Variants in PGAP4 observed in about 807,000 individuals in gnomAD.
PGAP4 encodes post-GPI attachment to proteins GalNAc transferase 4.
A neutral mutation model predicts 28.2 loss-of-function variants in PGAP4; 12 were observed. That is an observed-to-expected ratio of 0.42 (90% CI 0.27 to 0.69). The LOEUF (loss-of-function observed/expected upper bound fraction) is 0.69, where lower values mean the gene tolerates loss of function less well. Among genes scored for constraint, PGAP4 ranks in the 30% least tolerant of loss-of-function variants. The pLI is 0.22. For missense variants in PGAP4, 425 were observed against 513.5 expected (o/e 0.83, Z 1.67); for synonymous variants, 205 against 211.8 (o/e 0.97, Z 0.28).
At chr9:101,531,237 C>CACACAG (rs963708949) in intron 2 of PGAP4, 4 of 150,342 alleles carry the variant, frequency 2.7e-5, no homozygotes, top group African/African-American at 1.0e-4. Flanking sequence ...CACACACACA[C>CACACAG]ACAGAGTTGA....
In PGAP4 at chr9:101,474,881, G is replaced by C. The variant is rs2118475987; in HGVS notation, c.*1000C>G. 6.6e-6 allele frequency: 1 copy of C among 152,030 alleles called. No individual in the cohort carries two copies. Among genetic ancestry groups the C allele is most frequent in the African/African-American group, 2.4e-5 (1 of 41,486 alleles). The allele number at this position is 152,030 out of a possible 1,614,324, so 9.4% of individuals were successfully genotyped here. ...TTACTGTCCTCATTTTACAGGTGAA[G>C]AAATTGAGACCCAGAGTGATTATAT... On this transcript the variant is annotated 3_prime_UTR_variant, in exon 2 of 2. Transcript: ENST00000374848.
chr9:101,527,869 T>C (rs968240352), intron 2 of PGAP4, among the ~76,000 whole-genome samples: 1 of 152,200 alleles, frequency 6.6e-6, no homozygotes. Flanking sequence ...CAGCATGACA[T>C]GGATTCTTTA....
rs1468651082 is a variant in PGAP4 at position 101,477,228 on chromosome 9, A to AAACAAACG, written c.-77-60_-77-59insCGTTTGTT. ...AACTTAAAAAAACAAACAAACAAACAAACAAAAAAACAAAAGGACAAGAAC... is the reference window on the plus strand; with the variant it reads ...AACTTAAAAAAACAAACAAACAAACAAACAAACGAACAAAAAAACAAAAGGACAAGAAC... On this transcript the variant is annotated intron_variant, in intron 1 of 1. Coordinates refer to ENST00000374848, the MANE Select transcript of PGAP4 (RefSeq NM_032342.3). 358 of 1,306,592 alleles carry AAACAAACG rather than the reference A, an allele frequency of 2.7e-4. 2 individuals carry two copies. Among genetic ancestry groups the AAACAAACG allele is most frequent in the Non-Finnish European group, 3.3e-4 (328 of 991,172 alleles). The allele number at this position is 1,306,592 out of a possible 1,614,324, so 80.9% of individuals were successfully genotyped here. A position where few individuals can be genotyped will look rare whatever the true frequency, so the allele number is the denominator to read the frequency against.
chr9:101,509,465 C>A (rs1426058834), intron 2 of PGAP4, among the ~76,000 whole-genome samples: 3 of 152,104 alleles, frequency 2.0e-5, no homozygotes, highest in Non-Finnish European at 4.4e-5. Context: ...AAATGTGCTG[C>A]CAGTGGTGAC....
rs1826283874 is a variant in PGAP4, at chr9:101,475,881, C to A, written c.1212G>T (p.Ter404TyrextTer39). ...LRYNFHPSLL* is the reference protein window; with the variant it reads ...LRYNFHPSLLY ...CTTCAGAAAGGCATCTCTTGGCACC[C>A]TAGAGGAGACTGGGATGAAAGTTGT... The change falls in exon 2 of 2, where the codon TAG (stop) becomes TAT (tyrosine). Residue 404 changes from the stop codon to tyrosine, a stop_lost. Coordinates refer to ENST00000374848, the MANE Select transcript of PGAP4 (RefSeq NM_032342.3). 1 of 1,613,322 alleles carries A rather than the reference C, an allele frequency of 6.2e-7. No homozygotes were observed.
Position 101,474,483 on chromosome 9 carries a change from GCTC to G in PGAP4, c.*1395_*1397del, listed in dbSNP as rs1826238979. On this transcript the variant is annotated 3_prime_UTR_variant, in exon 2 of 2. Transcript: ENST00000374848. Reference sequence around the variant, plus strand: ...TTTTCAGACTCTGATCTTAGAATAAGCTCATGAGGAGTCTCATTTCCAAGCTGG... The same window carrying G: ...TTTTCAGACTCTGATCTTAGAATAAGATGAGGAGTCTCATTTCCAAGCTGG... 1 of 152,174 alleles carries G rather than the reference GCTC, an allele frequency of 6.6e-6. No homozygotes were observed. Among genetic ancestry groups the G allele is most frequent in the Non-Finnish European group, 1.5e-5 (1 of 68,030 alleles). The allele number at this position is 152,174 out of a possible 1,614,324, so 9.4% of individuals were successfully genotyped here. A position where few individuals can be genotyped will look rare whatever the true frequency, so the allele number is the denominator to read the frequency against.
At chr9:101,518,810 T>A (rs1826961913) in intron 2 of PGAP4, among the ~76,000 whole-genome samples, 1 of 152,210 alleles carries the variant, frequency 6.6e-6, no homozygotes, top group Non-Finnish European at 1.5e-5. Context: ...ATGACTTCTT[T>A]TCCTCTGAGT....
chr9:101,482,416 G>C (rs1006432158), intron 1 of PGAP4, among the ~76,000 whole-genome samples: 1 of 152,216 alleles, frequency 6.6e-6, no homozygotes, highest in Non-Finnish European at 1.5e-5. Context: ...CTGCACTCCA[G>C]CCTGGCAACA....
intron 2 of PGAP4, among the ~76,000 whole-genome samples, chr9:101,521,484 C>T: frequency 6.6e-6 from 1 of 152,008 alleles, no homozygotes; most frequent in Non-Finnish European, 1.5e-5. Context: ...TCTAGGTTTT[C>T]CAGTTTATGT....
At chr9:101,513,225 G>A (rs575543401) in intron 2 of PGAP4, among the ~76,000 whole-genome samples, 13 of 152,222 alleles carry the variant, frequency 8.5e-5, no homozygotes, top group African/African-American at 3.1e-4. Flanking sequence ...CCGCAATGAA[G>A]TATCTGCAAT....
intron 2 of PGAP4, among the ~76,000 whole-genome samples, chr9:101,503,566 C>A (rs1826822298): frequency 1.3e-5 from 2 of 151,920 alleles, no homozygotes; most frequent in South Asian, 4.1e-4. Flanking sequence ...TAATTACATT[C>A]TCTACCACAG....
chr9:101,488,940 G>C (rs145540652), upstream of PGAP4, among the ~76,000 whole-genome samples: 535 of 152,192 alleles, frequency 3.5e-3, 1 homozygote, highest in Non-Finnish European at 6.7e-3. Flanking sequence ...CATTTGGGTG[G>C]ACAATAGATA....
Position 101,476,532 on chromosome 9 carries a change from C to G in PGAP4, c.561G>C (p.Glu187Asp). Reference sequence around the variant, plus strand: ...CCAGGCAATAGACATAGTCCTGCTTCTCTTTCTCAAACGAGTTGGTCGAAG... The same window carrying G: ...CCAGGCAATAGACATAGTCCTGCTTGTCTTTCTCAAACGAGTTGGTCGAAG... ...DDPSTNSFEK[E>D]KQDYVYCLES... Residue 187 changes from glutamate (E) to aspartate (D), a missense_variant, in exon 2 of 2, where the codon GAG becomes GAC. Physicochemically the swap from Glu to Asp is conservative, Grantham distance 45. Transcript: ENST00000374848. This position sits in a 1 kb window ranked among gnomAD's most constrained non-coding sequence, Gnocchi z 7.0. 1 of 1,614,206 alleles carries G rather than the reference C, an allele frequency of 6.2e-7. No individual in the cohort carries two copies. Among genetic ancestry groups the G allele is most frequent in the Non-Finnish European group, 8.5e-7 (1 of 1,180,046 alleles).
At chr9:101,490,341 CA>C (rs1171371258), upstream of PGAP4, among the ~76,000 whole-genome samples, 4 of 152,144 alleles carry the variant, frequency 2.6e-5, no homozygotes, top group African/African-American at 9.7e-5. Flanking sequence ...AGGCACATAC[CA>C]CCATGCCCAG....
chr9:101,511,584 C>G (rs1185745966), intron 2 of PGAP4, among the ~76,000 whole-genome samples: 1 of 152,110 alleles, frequency 6.6e-6, no homozygotes, highest in African/African-American at 2.4e-5. Context: ...CTTAAGGGAC[C>G]TTTGTTAGGC....
At chr9:101,524,165 G>T (rs1447520575) in intron 2 of PGAP4, among the ~76,000 whole-genome samples, 2 of 151,368 alleles carry the variant, frequency 1.3e-5, no homozygotes, top group South Asian at 4.2e-4. Flanking sequence ...AATGGACTCC[G>T]TGAGGGTCCT....
In PGAP4 at chr9:101,476,381, T is replaced by C. The variant is rs1826309436; in HGVS notation, c.712A>G (p.Arg238Gly). ...TACAGCTTGAGATAAAGGGCATCTC[T>C]GAGATGTGGCTCAGAGAAGCGAGCC... Reference protein sequence around the residue: ...LRARFSEPHLRDALYLKLYHP... With the variant: ...LRARFSEPHLGDALYLKLYHP... Residue 238 changes from arginine (R) to glycine (G), a missense_variant, in exon 2 of 2, where the codon AGA (arginine) becomes GGA (glycine). Arg to Gly is a moderately radical substitution (Grantham distance 125, BLOSUM62 -2). Transcript: ENST00000374848. This position sits in a 1 kb window ranked among gnomAD's most constrained non-coding sequence, Gnocchi z 7.0. 6.2e-7 allele frequency: 1 copy of C among 1,613,886 alleles called. No homozygotes were observed. Among genetic ancestry groups the C allele is most frequent in the African/African-American group, 1.3e-5 (1 of 74,854 alleles).
At chr9:101,482,051 C>G (rs1230206646) in intron 1 of PGAP4, among the ~76,000 whole-genome samples, 1 of 152,206 alleles carries the variant, frequency 6.6e-6, no homozygotes, top group Non-Finnish European at 1.5e-5. Flanking sequence ...GCCAAAAGAT[C>G]TAGGTCCAAT....
intron 2 of PGAP4, among the ~76,000 whole-genome samples, chr9:101,516,288 A>G (rs895898545): frequency 2.6e-5 from 4 of 152,186 alleles, no homozygotes; most frequent in Non-Finnish European, 5.9e-5. Context: ...TGATCATTAT[A>G]ACCATCTGCC....
Sources: allele counts gnomAD v4.1 joint callset (sites outside exome capture counted in the v4.1 genomes callset), GRCh38; gene constraint gnomAD v4.1.1; non-coding constraint Gnocchi (gnomAD v3.1); transcripts MANE v1.5; gene names NCBI Gene and HGNC (gene_info 2026-07-23, HGNC 2026-07-21).